The following PTCHD4 variants were observed in gnomAD, a reference collection of about 807,000 sequenced individuals.
The protein encoded by PTCHD4 is patched domain-containing protein 4.
PTCHD4 carries 33 observed loss-of-function variants against 58.1 expected under a neutral mutation model. The ratio of observed to expected loss-of-function variants is 0.57; its 90% CI spans 0.43 to 0.76. The LOEUF (loss-of-function observed/expected upper bound fraction) is 0.76, where lower values mean the gene tolerates loss of function less well. Ranked by LOEUF, PTCHD4 falls within the 30% of genes least tolerant of loss-of-function variation. PTCHD4 has a pLI of 0.00. For missense variants in PTCHD4, 1,058 were observed against 1,027.1 expected (o/e 1.03, Z -0.41); for synonymous variants, 478 against 409.6 (o/e 1.17, Z -2.02).
intron 4 of PTCHD4, among the ~76,000 whole-genome samples, chr6:47,894,386 G>A (rs1294685780): frequency 1.3e-5 from 2 of 152,188 alleles, no homozygotes; most frequent in African/African-American, 2.4e-5. Flanking sequence ...CGGCAGAGGG[G>A]TCTGGAGCAC....
chr6:47,878,453 C>T lies in PTCHD4; in HGVS notation c.2382G>A (p.Leu794=). The T allele has an allele frequency of 6.2e-7, 1 of 1,613,364 alleles. No homozygotes were observed. The highest frequency in any genetic ancestry group is 2.2e-5 in the East Asian group (1 of 44,836). The stretch of plus-strand genomic sequence containing the variant: ...ACACAGGTAAAATAACAAAACAGTG[C>T]AGAAGTGTGCAACCCCCAGTGAGCA... ...CLLLTGGCTL[L]HCFVILPVFL... is the part of the protein sequence containing the mutation. Residue 794 remains leucine, a synonymous_variant, in exon 5 of 5, where the codon CTG becomes CTA. Transcript: ENST00000339488.
chr6:48,059,378 C>T (rs918722136), intron 3 of PTCHD4, among the ~76,000 whole-genome samples: 10 of 152,140 alleles, frequency 6.6e-5, no homozygotes, highest in South Asian at 4.1e-4. Flanking sequence ...GGGTGGTTCA[C>T]GCCTGTAATC....
In PTCHD4 at chr6:47,868,956, C is replaced by T. The variant is rs574488487; in HGVS notation, c.*9347G>A. 5.9e-5 allele frequency among the ~76,000 whole-genome samples: 9 copies of T among 151,726 alleles called. No individual in the cohort carries two copies. In the South Asian group the frequency reaches 6.2e-4, roughly 11 times the overall value. The stretch of plus-strand genomic sequence containing the variant: ...GCATCCTTGTTTTTAAGAAAACATA[C>T]GGCAAACTATATAAAATGAAATATT... On this transcript the variant is annotated 3_prime_UTR_variant, in exon 5 of 5. Coordinates refer to ENST00000339488, the MANE Select transcript of PTCHD4 (RefSeq NM_001384253.1).
chr6:47,997,760 G>A (rs776390122), intron 4 of PTCHD4, among the ~76,000 whole-genome samples: 7 of 152,126 alleles, frequency 4.6e-5, no homozygotes, highest in East Asian at 3.9e-4. Flanking sequence ...GCAAATATAA[G>A]CCACCATGTT....
chr6:48,007,994 T>A (rs1417036963), intron 4 of PTCHD4, among the ~76,000 whole-genome samples: 1 of 151,916 alleles, frequency 6.6e-6, no homozygotes, highest in Non-Finnish European at 1.5e-5. Context: ...TCTAGACCAT[T>A]TATGTATAGC....
intron 1 of PTCHD4, among the ~76,000 whole-genome samples, chr6:48,072,131 T>A (rs1412530338): frequency 6.6e-6 from 1 of 152,176 alleles, no homozygotes; most frequent in African/African-American, 2.4e-5. Flanking sequence ...GAAGTCACTA[T>A]GTGCAGCTTA....
chr6:47,968,847 A>T (rs1168568080), intron 4 of PTCHD4, among the ~76,000 whole-genome samples: 1 of 152,108 alleles, frequency 6.6e-6, no homozygotes, highest in Non-Finnish European at 1.5e-5. Flanking sequence ...CTATATGATG[A>T]TATATTAAAG....
chr6:47,948,092 G>C (rs1249708658), intron 4 of PTCHD4, among the ~76,000 whole-genome samples: 1 of 152,180 alleles, frequency 6.6e-6, no homozygotes, highest in Non-Finnish European at 1.5e-5. Context: ...TTCAGAGCTG[G>C]AGCTGTGGTC....
chr6:48,106,040 C>T (rs937675217), intron 1 of PTCHD4, among the ~76,000 whole-genome samples: 5 of 152,148 alleles, frequency 3.3e-5, no homozygotes, highest in African/African-American at 9.7e-5. Flanking sequence ...GAGCTGGTAC[C>T]GTTCCTTCTG....
chr6:47,882,389 G>A (rs1207009979), intron 4 of PTCHD4, among the ~76,000 whole-genome samples: 2 of 151,958 alleles, frequency 1.3e-5, no homozygotes, highest in Non-Finnish European at 2.9e-5. Context: ...AAATGTGGTC[G>A]AGACTGAAAA....
At chr6:48,062,024 C>T (rs373381375) in intron 3 of PTCHD4, among the ~76,000 whole-genome samples, 5 of 152,230 alleles carry the variant, frequency 3.3e-5, no homozygotes, top group African/African-American at 1.2e-4. Context: ...GTATCTGAAA[C>T]AGGTCTGGGC....
intron 4 of PTCHD4, among the ~76,000 whole-genome samples, chr6:47,998,372 T>C (rs1768583396): frequency 6.6e-6 from 1 of 152,162 alleles, no homozygotes; most frequent in Non-Finnish European, 1.5e-5. Flanking sequence ...GCAGCACATA[T>C]TGAACAACAG....
chr6:48,064,266 C>A (rs1433022702), intron 3 of PTCHD4, among the ~76,000 whole-genome samples: 3 of 152,064 alleles, frequency 2.0e-5, no homozygotes, highest in Admixed American at 6.5e-5. Flanking sequence ...AAATAAAGAA[C>A]TGGGGACATA....
chr6:48,097,753 A>C (rs1437830773), intron 1 of PTCHD4, among the ~76,000 whole-genome samples: 2 of 152,226 alleles, frequency 1.3e-5, no homozygotes, highest in East Asian at 3.8e-4. Context: ...ACAGAGAGAT[A>C]TAGTACAGTT....
intron 4 of PTCHD4, among the ~76,000 whole-genome samples, chr6:47,954,573 T>C (rs752244358): frequency 3.3e-5 from 5 of 152,172 alleles, no homozygotes; most frequent in African/African-American, 4.8e-5. Flanking sequence ...TACACTAAAG[T>C]GAGGTAGCTG....
At chr6:47,890,715 A>AG (rs925518122) in intron 4 of PTCHD4, among the ~76,000 whole-genome samples, 53 of 151,812 alleles carry the variant, frequency 3.5e-4, no homozygotes, top group African/African-American at 9.2e-4. Flanking sequence ...TGGCTTTGTA[A>AG]GGGGGGGGAT....
chr6:47,986,065 A>G (rs4715057), intron 4 of PTCHD4, among the ~76,000 whole-genome samples: 1,792 of 152,244 alleles, frequency 0.012, 23 homozygotes, highest in South Asian at 0.027. Context: ...GAGGTTTTAG[A>G]AAATCTGTAG....
intron 4 of PTCHD4, among the ~76,000 whole-genome samples, chr6:47,892,097 A>G (rs1764398645): frequency 6.6e-6 from 1 of 152,138 alleles, no homozygotes; most frequent in Non-Finnish European, 1.5e-5. Context: ...TTTTGAGAAG[A>G]TGATAACATG....
intron 3 of PTCHD4, among the ~76,000 whole-genome samples, chr6:48,047,920 A>C (rs1478340223): frequency 6.6e-6 from 1 of 151,682 alleles, no homozygotes; most frequent in Non-Finnish European, 1.5e-5. Context: ...GCCTGATATG[A>C]CTAAGATAAG....
Sources: gnomAD v4.1 joint callset for allele counts (sites outside exome capture counted in the v4.1 genomes callset) on GRCh38, gnomAD v4.1.1 for gene constraint, MANE v1.5 for transcripts, NCBI Gene and HGNC (gene_info 2026-07-23, HGNC 2026-07-21) for gene names.